Variants in DGKB observed in about 807,000 individuals in gnomAD.
The protein encoded by DGKB is 90 kDa diacylglycerol kinase.
DGKB carries 67 observed loss-of-function variants against 114.3 expected under a neutral mutation model. That is an observed-to-expected ratio of 0.59 (90% confidence interval 0.48 to 0.72). The LOEUF is 0.72. DGKB is among the 30% of genes least tolerant of loss of function. The probability of loss-of-function intolerance (pLI) is 0.00; values close to 1 mark genes in which losing one functional copy is unlikely to be tolerated. For missense variants in DGKB, 907 were observed against 975.2 expected, an observed-to-expected ratio of 0.93 and a Z score of 0.93; for synonymous variants, 398 against 323.1, an observed-to-expected ratio of 1.23 and a Z score of -2.49.
chr7:14,835,696 C>T (rs1156402951), intron 2 of DGKB, among the ~76,000 whole-genome samples: 1 of 152,302 alleles, frequency 6.6e-6, no homozygotes, highest in Non-Finnish European at 1.5e-5. Flanking sequence ...AAGTCTCTCT[C>T]TCTCTCCCCT....
chr7:14,280,452 G>T (rs1799768382), intron 23 of DGKB, among the ~76,000 whole-genome samples: 1 of 150,350 alleles, frequency 6.7e-6, no homozygotes, highest in Admixed American at 6.6e-5. Context: ...TGTTATCCAG[G>T]AGAATTTCCC....
In DGKB at chr7:14,386,089, T is replaced by G. The variant is rs1462241121; in HGVS notation, c.1836-40698A>C. Among the ~76,000 whole-genome samples the G allele has an allele frequency of 3.9e-5, 6 of 152,344 alleles. No individual in the cohort carries two copies. In the South Asian group the frequency reaches 1.2e-3, roughly 32 times the overall value. ...GGACTTGTTTGAACTTATTTGAACA[T>G]AGAAACTTTAATATATTTTGAAAAG... On this transcript the variant is annotated intron_variant, in intron 21 of 25. Coordinates refer to ENST00000402815, the MANE Select transcript of DGKB (RefSeq NM_001350709.2).
At chr7:14,168,768 A>G (rs1467717946) in intron 25 of DGKB, among the ~76,000 whole-genome samples, 1 of 152,244 alleles carries the variant, frequency 6.6e-6, no homozygotes, top group Non-Finnish European at 1.5e-5. Flanking sequence ...AATGCTGTTA[A>G]GAAGATATCA....
intron 4 of DGKB, among the ~76,000 whole-genome samples, chr7:14,751,913 A>T (rs915414163): frequency 6.6e-6 from 1 of 152,214 alleles, no homozygotes; most frequent in Non-Finnish European, 1.5e-5. Flanking sequence ...TGGTCATTAA[A>T]GTATGACCAC....
intron 9 of DGKB, among the ~76,000 whole-genome samples, chr7:14,692,555 A>T (rs768564557): frequency 6.6e-6 from 1 of 152,008 alleles, no homozygotes; most frequent in African/African-American, 2.4e-5. Flanking sequence ...AATTAAATAA[A>T]TATTGATAAT....
At chr7:14,430,901 C>T (rs547817979) in intron 21 of DGKB, among the ~76,000 whole-genome samples, 2 of 152,134 alleles carry the variant, frequency 1.3e-5, no homozygotes, top group Non-Finnish European at 2.9e-5. Context: ...AACCATCCTG[C>T]CAACAATTCT....
intron 23 of DGKB, among the ~76,000 whole-genome samples, chr7:14,285,414 A>C (rs1800719291): frequency 6.6e-6 from 1 of 152,232 alleles, no homozygotes; most frequent in East Asian, 1.9e-4. Context: ...TGCCCTTTTC[A>C]CTGGTGTTTC....
At chr7:14,771,429 T>A (rs1038944735) in intron 2 of DGKB, among the ~76,000 whole-genome samples, 4 of 152,046 alleles carry the variant, frequency 2.6e-5, no homozygotes, top group Admixed American at 1.3e-4. Context: ...CTGGGAACAA[T>A]ATTACCCAAT....
intron 1 of DGKB, among the ~76,000 whole-genome samples, chr7:14,845,098 C>T (rs1210709229): frequency 8.5e-6 from 1 of 118,178 alleles, no homozygotes; most frequent in Admixed American, 1.0e-4. Context: ...CAGAGCAAGG[C>T]CCTGTGTCAA....
chr7:14,777,523 TCTGATGGTTTAATAAGGGG>T (rs1378367621), intron 2 of DGKB, among the ~76,000 whole-genome samples: 2 of 152,232 alleles, frequency 1.3e-5, no homozygotes, highest in Middle Eastern at 3.4e-3. Flanking sequence ...TCTCAAAAGA[TCTGATGGTTTAATAAGGGG>T]CTTTTCTTCC....
At chr7:14,696,639 G>T (rs1329967647) in intron 8 of DGKB, among the ~76,000 whole-genome samples, 1 of 151,730 alleles carries the variant, frequency 6.6e-6, no homozygotes. Flanking sequence ...GAGTAGGAGA[G>T]GAGAAAGCTG....
At chr7:14,859,722 T>C (rs988188761) in intron 1 of DGKB, among the ~76,000 whole-genome samples, 6 of 152,156 alleles carry the variant, frequency 3.9e-5, no homozygotes, top group African/African-American at 1.4e-4. Flanking sequence ...ACTTTAATTA[T>C]GAAACTTACC....
intron 23 of DGKB, among the ~76,000 whole-genome samples, chr7:14,286,241 A>G (rs1317365264): frequency 6.6e-6 from 1 of 152,036 alleles, no homozygotes; most frequent in African/African-American, 2.4e-5. Context: ...GGGCTATGTC[A>G]TTTCACTTCC....
chr7:14,210,189 C>G (rs1317245276), intron 23 of DGKB, among the ~76,000 whole-genome samples: 5 of 152,030 alleles, frequency 3.3e-5, no homozygotes, highest in African/African-American at 1.2e-4. Flanking sequence ...CTCCTATGTT[C>G]CTAGTCCACC....
chr7:14,917,862 A>G (rs976920812), intron 1 of DGKB, among the ~76,000 whole-genome samples: 2 of 152,118 alleles, frequency 1.3e-5, no homozygotes, highest in Admixed American at 1.3e-4. Flanking sequence ...TCAACCAAAT[A>G]TTAGCAAATT....
chr7:14,678,412 G>T (rs568109060), intron 12 of DGKB, among the ~76,000 whole-genome samples: 1 of 152,098 alleles, frequency 6.6e-6, no homozygotes, highest in African/African-American at 2.4e-5. Flanking sequence ...GTTTCCTAAG[G>T]TATGATTAGA....
intron 1 of DGKB, among the ~76,000 whole-genome samples, chr7:14,860,809 T>C (rs1850865422): frequency 6.6e-6 from 1 of 151,910 alleles, no homozygotes; most frequent in South Asian, 2.1e-4. Context: ...TTGAACAACC[T>C]GATTTTATGT....
At chr7:14,846,305 ATTCTCATAG>A (rs1848619384) in intron 1 of DGKB, among the ~76,000 whole-genome samples, 1 of 152,166 alleles carries the variant, frequency 6.6e-6, no homozygotes, top group Non-Finnish European at 1.5e-5. Flanking sequence ...GTTTCTCATA[ATTCTCATAG>A]TTCTAACCCT....
chr7:14,428,121 C>T (rs1298059752), intron 21 of DGKB, among the ~76,000 whole-genome samples: 1 of 151,426 alleles, frequency 6.6e-6, no homozygotes, highest in African/African-American at 2.4e-5. Flanking sequence ...TTATTTAATG[C>T]CTATTGTATG....
Sources: gnomAD v4.1 joint callset for allele counts (sites outside exome capture counted in the v4.1 genomes callset) on GRCh38, gnomAD v4.1.1 for gene constraint, MANE v1.5 for transcripts, NCBI Gene and HGNC (gene_info 2026-07-23, HGNC 2026-07-21) for gene names.